Variants in NEIL2 observed in about 807,000 individuals in gnomAD.
NEIL2 encodes the protein nei like DNA glycosylase 2, also known as endonuclease 8-like 2.
A neutral mutation model predicts 22.2 loss-of-function variants in NEIL2; 23 were observed. The ratio of observed to expected loss-of-function variants is 1.04; its 90% CI spans 0.75 to 1.47. The LOEUF is 1.47. Ranked by LOEUF, NEIL2 falls within the 40% of genes most tolerant of loss-of-function variation. The pLI is 0.00. For synonymous variants in NEIL2, 229 were observed against 164.8 expected (o/e 1.39, Z -2.99); for missense variants, 583 against 404.7 (o/e 1.44, Z -3.78).
chr8:11,771,688 A>T, intron 2 of NEIL2, 103 bp downstream of exon 2: 3 of 1,273,082 alleles, frequency 2.4e-6, no homozygotes, highest in Non-Finnish European at 3.3e-6. Flanking sequence ...TGAGTCCGGA[A>T]CCACCAAGCT....
Position 11,779,854 on chromosome 8 carries a change from G to A in NEIL2, c.395G>A (p.Arg132His), listed in dbSNP as rs147360797. Residue 132 changes from arginine to histidine, a missense_variant, in exon 3 of 5, where the codon CGT (arginine) becomes CAT (histidine). By Grantham distance (29) the Arg-to-His change is conservative. Transcript: ENST00000284503. ...APAGDAGRWL[R>H]VSFGLFGSVW... ...GCAGGAGATGCTGGGAGGTGGCTGC[G>A]TGTCAGCTTTGGTTTGTTTGGCAGC... 22 of 1,614,094 alleles carry A rather than the reference G, an allele frequency of 1.4e-5. 1 individual carries two copies. In the South Asian group the frequency reaches 2.0e-4, roughly 14 times the overall value.
At position 11,786,386 on chromosome 8, in the gene NEIL2, G is replaced by A. The variant is rs910996733; in HGVS notation, c.*113G>A. On this transcript the variant is annotated 3_prime_UTR_variant, in exon 5 of 5. Coordinates refer to ENST00000284503, the MANE Select transcript of NEIL2 (RefSeq NM_145043.4). Reference sequence around the variant, plus strand: ...GTACAGAGGATAGTGTGGGTCAGAGGTGCCAGTAGTATAATATTCGTCTCC... The same window carrying A: ...GTACAGAGGATAGTGTGGGTCAGAGATGCCAGTAGTATAATATTCGTCTCC... 2 of 1,003,298 alleles carry A rather than the reference G, an allele frequency of 2.0e-6. No homozygotes were observed. Among genetic ancestry groups the A allele is most frequent in the Non-Finnish European group, 3.1e-6 (2 of 649,610 alleles). The allele number at this position is 1,003,298 out of a possible 1,614,324, so 62.1% of individuals were successfully genotyped here. A position where few individuals can be genotyped will look rare whatever the true frequency, so the allele number is the denominator to read the frequency against.
chr8:11,786,253 G>C lies in NEIL2; in HGVS notation c.979G>C (p.Glu327Gln), dbSNP rs780839981. 1.6e-5 allele frequency: 26 copies of C among 1,612,374 alleles called. No homozygotes were observed. The highest frequency in any genetic ancestry group is 1.7e-6 in the Non-Finnish European group (2 of 1,179,960). ...CCAGCCCCAGTTGTCAGAGGAGCCA[G>C]AGCAGTGCCAGTTCTCCTAAGGAGC... ...QCQPQLSEEP[E>Q]QCQFS The change falls in exon 5 of 5, where the codon GAG becomes CAG. Residue 327 changes from glutamate to glutamine, a missense_variant. Glu to Gln is a conservative substitution (Grantham distance 29, BLOSUM62 2). Coordinates refer to ENST00000284503, the MANE Select transcript of NEIL2 (RefSeq NM_145043.4).
In NEIL2 at chr8:11,770,137, G is replaced by C. The variant is rs1803309146; in HGVS notation, c.-201G>C. ...GGAGGGTGGGCGCGGCATCTTCAGCGACTCTTCGAAGTCCCTTCCGCGTCT... is the reference window on the plus strand; with the variant it reads ...GGAGGGTGGGCGCGGCATCTTCAGCCACTCTTCGAAGTCCCTTCCGCGTCT... On this transcript the variant is annotated 5_prime_UTR_variant, in exon 1 of 5. Coordinates refer to ENST00000284503, the MANE Select transcript of NEIL2 (RefSeq NM_145043.4). 6.6e-6 allele frequency: 1 copy of C among 152,196 alleles called. No homozygotes were observed. The highest frequency in any genetic ancestry group is 1.5e-5 in the Non-Finnish European group (1 of 68,058). The allele number at this position is 152,196 out of a possible 1,614,324, so 9.4% of individuals were successfully genotyped here. A position where few individuals can be genotyped will look rare whatever the true frequency, so the allele number is the denominator to read the frequency against.
chr8:11,780,739 A>G (rs1320604110), intron 3 of NEIL2, among the ~76,000 whole-genome samples: 1 of 152,202 alleles, frequency 6.6e-6, no homozygotes, highest in Non-Finnish European at 1.5e-5. Flanking sequence ...GACTCTATCT[A>G]GGTTTAGGAT....
chr8:11,770,536 A>G (rs576141270), intron 1 of NEIL2, among the ~76,000 whole-genome samples: 1 of 152,316 alleles, frequency 6.6e-6, no homozygotes, highest in African/African-American at 2.4e-5. Context: ...TTAGATTTTA[A>G]AAGTATTCTA....
Position 11,779,656 on chromosome 8 carries a change from G to A in NEIL2, c.197G>A (p.Gly66Asp). The change falls in exon 3 of 5, where the codon GGC becomes GAC. Residue 66 changes from glycine to aspartate, a missense_variant. Physicochemically the swap from Gly to Asp is moderately conservative, Grantham distance 94 (BLOSUM62 -1). Transcript: ENST00000284503. ...CTAGATGAAGAAATGGGGCCCCCTGGCAGCAGCCCAACACCAGAGCCTCCA... is the reference window on the plus strand; with the variant it reads ...CTAGATGAAGAAATGGGGCCCCCTGACAGCAGCCCAACACCAGAGCCTCCA... Reference protein sequence around the residue: ...FDLDEEMGPPGSSPTPEPPQK... With the variant: ...FDLDEEMGPPDSSPTPEPPQK... 6.2e-7 allele frequency: 1 copy of A among 1,613,812 alleles called. No homozygotes were observed. Among genetic ancestry groups the A allele is most frequent in the Non-Finnish European group, 8.5e-7 (1 of 1,179,968 alleles).
rs1475363413 is a variant in NEIL2 at position 11,771,457 on chromosome 8, G to A, written c.10G>A (p.Gly4Arg). The A allele has an allele frequency of 6.2e-7, 1 of 1,613,884 alleles. No individual in the cohort carries two copies. Among genetic ancestry groups the A allele is most frequent in the African/African-American group, 1.3e-5 (1 of 75,028 alleles). The change falls in exon 2 of 5, where the codon GGG (glycine) becomes AGG (arginine). Residue 4 changes from glycine (G) to arginine (R), a missense_variant. Physicochemically the swap from Gly to Arg is moderately radical, Grantham distance 125. Transcript: ENST00000284503. MPE[G>R]PLVRKFHHLV... ...ATTTCTGCCCACAGGGATGCCAGAA[G>A]GGCCGTTGGTGAGGAAATTTCACCA... is the stretch of plus-strand genomic sequence containing the variant.
chr8:11,778,095 C>A (rs578037814), intron 2 of NEIL2, among the ~76,000 whole-genome samples: 42 of 152,242 alleles, frequency 2.8e-4, no homozygotes, highest in African/African-American at 9.9e-4. Flanking sequence ...CACAGGAACC[C>A]AAAAGAGGGA....
At chr8:11,775,613 C>T (rs1407712040) in intron 2 of NEIL2, among the ~76,000 whole-genome samples, 2 of 152,212 alleles carry the variant, frequency 1.3e-5, no homozygotes, top group African/African-American at 4.8e-5. Context: ...TTTTTCTTTT[C>T]TACTGCATCA....
In NEIL2 at chr8:11,783,496, C is replaced by T. The variant is rs1585782406; in HGVS notation, c.688+97C>T. 2.7e-5 allele frequency: 28 copies of T among 1,035,238 alleles called. No individual in the cohort carries two copies. The East Asian group carries it at 6.4e-4, about 24-fold the overall frequency. 64.1% of individuals were successfully genotyped at this position (1,035,238 alleles called of 1,614,324 possible). ...GACCTGAGGGCCACCCTAGTTGTGC[C>T]AGTGCTGTTGGTTTTGAGGTGCCAC... is the stretch of plus-strand genomic sequence containing the variant. On this transcript the variant is annotated intron_variant, in intron 4 of 4. Coordinates refer to ENST00000284503, the MANE Select transcript of NEIL2 (RefSeq NM_145043.4).
intron 2 of NEIL2, among the ~76,000 whole-genome samples, chr8:11,775,016 A>C (rs1219801802): frequency 6.6e-6 from 1 of 152,212 alleles, no homozygotes; most frequent in Non-Finnish European, 1.5e-5. Flanking sequence ...GCAAGCTGTC[A>C]GTAGATCTAC....
intron 2 of NEIL2, among the ~76,000 whole-genome samples, chr8:11,773,995 C>T (rs804262): frequency 0.34 from 51,064 of 152,006 alleles, 10,084 homozygotes; most frequent in South Asian, 0.47. Flanking sequence ...GGGGAGGCCT[C>T]GCAATTATGG....
intron 3 of NEIL2, among the ~76,000 whole-genome samples, chr8:11,782,030 C>G (rs1470240324): frequency 6.6e-6 from 1 of 152,088 alleles, no homozygotes; most frequent in Non-Finnish European, 1.5e-5. Context: ...TGCCACTATA[C>G]TCCAGCCTGG....
chr8:11,774,725 A>G (rs957106073), intron 2 of NEIL2, among the ~76,000 whole-genome samples: 35 of 152,368 alleles, frequency 2.3e-4, no homozygotes, highest in African/African-American at 8.2e-4. Flanking sequence ...CAATGGGGGT[A>G]CAGGCATTGG....
At position 11,771,493 on chromosome 8, in the gene NEIL2, C is replaced by G. The variant is rs148425557; in HGVS notation, c.46C>G (p.Pro16Ala). ...LVRKFHHLVS[P>A]FVGQQVVKTG... ...GAGGAAATTTCACCATTTGGTCTCCCCCTTTGTGGGTCAGCAGGTGGTCAA... is the reference window on the plus strand; with the variant it reads ...GAGGAAATTTCACCATTTGGTCTCCGCCTTTGTGGGTCAGCAGGTGGTCAA... The change falls in exon 2 of 5, where the codon CCC becomes GCC. Residue 16 changes from proline (P) to alanine (A), a missense_variant. Coordinates refer to ENST00000284503, the MANE Select transcript of NEIL2 (RefSeq NM_145043.4). 3 of 1,613,962 alleles carry G rather than the reference C, an allele frequency of 1.9e-6. No individual in the cohort carries two copies. In the African/African-American group the frequency reaches 4.0e-5, roughly 22 times the overall value.
chr8:11,771,393 C>T, intron 1 of NEIL2, 53 bp from the exon 2 acceptor site: 1 of 1,609,434 alleles, frequency 6.2e-7, no homozygotes, highest in Non-Finnish European at 8.5e-7. Flanking sequence ...GTTAAAGATG[C>T]TAGAGATAAA....
Position 11,771,550 on chromosome 8 carries a change from G to T in NEIL2, c.103G>T (p.Ala35Ser). 6.2e-7 allele frequency: 1 copy of T among 1,614,032 alleles called. No homozygotes were observed. The highest frequency in any genetic ancestry group is 8.5e-7 in the Non-Finnish European group (1 of 1,179,996). ...TGGSSKKLQP[A>S]SLQSLWLQDT... The stretch of plus-strand genomic sequence containing the variant: ...GGGCAGCAGTAAGAAGCTACAGCCC[G>T]CCAGCCTGCAGTCTCTGTGGCTCCA... Residue 35 changes from alanine to serine, a missense_variant, in exon 2 of 5, where the codon GCC becomes TCC. Coordinates refer to ENST00000284503, the MANE Select transcript of NEIL2 (RefSeq NM_145043.4).
rs1804251378 is a variant in NEIL2 at position 11,779,848 on chromosome 8, G to A, written c.389G>A (p.Trp130Ter). 1 of 1,614,192 alleles carries A rather than the reference G, an allele frequency of 6.2e-7. No individual in the cohort carries two copies. Among genetic ancestry groups the A allele is most frequent in the Non-Finnish European group, 8.5e-7 (1 of 1,180,032 alleles). Reference protein sequence around the residue: ...RDAPAGDAGRWLRVSFGLFGS... With the variant: ...RDAPAGDAGR ...GCCCCTGCAGGAGATGCTGGGAGGT[G>A]GCTGCGTGTCAGCTTTGGTTTGTTT... is the stretch of plus-strand genomic sequence containing the variant. Residue 130 changes from tryptophan to a stop codon, truncating the protein, a stop_gained, in exon 3 of 5, where the codon TGG becomes TAG. Coordinates refer to ENST00000284503, the MANE Select transcript of NEIL2 (RefSeq NM_145043.4). LOFTEE classifies it high-confidence loss of function.
Sources: allele counts gnomAD v4.1 joint callset (sites outside exome capture counted in the v4.1 genomes callset), GRCh38; gene constraint gnomAD v4.1.1; transcripts MANE v1.5; gene names NCBI Gene and HGNC (gene_info 2026-07-23, HGNC 2026-07-21).